Variants in MAP4 observed in about 807,000 individuals in gnomAD.
The protein encoded by MAP4 is microtubule associated protein 4, also known as microtubule-associated protein 4.
Under a neutral mutation model 170.2 loss-of-function variants are expected in MAP4, and 76 were observed. The observed-to-expected ratio is 0.45, with a 90% CI of 0.37 to 0.54. The LOEUF is 0.54. MAP4 is among the 20% of genes least tolerant of loss of function. The pLI, the probability that MAP4 is intolerant of heterozygous loss-of-function variation, is 0.00. For missense variants in MAP4, 2,506 were observed against 2,748.0 expected (o/e 0.91, Z 1.97); for synonymous variants, 909 against 994.5 (o/e 0.91, Z 1.62).
chr3:47,888,206 C>A (rs146412846), intron 10 of MAP4, among the ~76,000 whole-genome samples: 2 of 152,138 alleles, frequency 1.3e-5, no homozygotes, highest in African/African-American at 2.4e-5. Flanking sequence ...ACAGGCCACT[C>A]GGCTCTACCA....
chr3:48,087,087 G>C (rs376160847), intron 1 of MAP4, among the ~76,000 whole-genome samples: 115 of 152,310 alleles, frequency 7.6e-4, no homozygotes, highest in African/African-American at 2.7e-3. Context: ...AAAAGTGACA[G>C]CTTTATTATT....
intron 2 of MAP4, among the ~76,000 whole-genome samples, chr3:47,980,148 G>A (rs1158028805): frequency 6.6e-6 from 1 of 151,936 alleles, no homozygotes; most frequent in Non-Finnish European, 1.5e-5. Context: ...TTGTTTCTTT[G>A]CTTTTCCATA....
intron 3 of MAP4, among the ~76,000 whole-genome samples, chr3:47,953,682 A>G (rs1242950987): frequency 6.6e-6 from 1 of 152,134 alleles, no homozygotes; most frequent in African/African-American, 2.4e-5. Flanking sequence ...GTTGCAAAAA[A>G]AAGCTCGGAA....
In MAP4 at chr3:47,919,140, C is replaced by T. The variant is rs2100041346; in HGVS notation, c.530-299G>A. ...TAGAGGCGGGGTTTCACCATGTTAG[C>T]CCGGATAGTCTCGATCTCCTGACCT... On this transcript the variant is annotated intron_variant, in intron 5 of 20. Coordinates refer to ENST00000683076, the MANE Select transcript of MAP4 (RefSeq NM_001385682.1). Among the ~76,000 whole-genome samples, 3 of 151,768 alleles carry T rather than the reference C, an allele frequency of 2.0e-5. No homozygotes were observed. The South Asian group carries it at 6.2e-4, about 32-fold the overall frequency.
upstream of MAP4, among the ~76,000 whole-genome samples, chr3:48,016,903 A>T (rs2100108096): frequency 6.6e-6 from 1 of 151,908 alleles, no homozygotes; most frequent in Non-Finnish European, 1.5e-5. Context: ...CAGCCTCCTG[A>T]GTAGCTGCGA....
intron 3 of MAP4, among the ~76,000 whole-genome samples, chr3:47,936,889 A>G (rs1230255478): frequency 2.6e-5 from 4 of 151,612 alleles, no homozygotes; most frequent in African/African-American, 9.7e-5. Context: ...CTGAGGCAAG[A>G]GAACTGCTTG....
chr3:47,964,481 G>GT (rs1386670858), intron 3 of MAP4, among the ~76,000 whole-genome samples: 1 of 152,106 alleles, frequency 6.6e-6, no homozygotes, highest in African/African-American at 2.4e-5. Context: ...GAGGCAGGTG[G>GT]TTTTTTTCTT....
rs529260776 is a variant in MAP4, at chr3:48,037,452, G to A, written c.-19-38573C>T. ...TCTGTTACTCAGGCTGGCGTGCAGT[G>A]ACACAATCTTGGCTTACTGCAGCCT... On this transcript the variant is annotated intron_variant, in intron 1 of 18. Coordinates refer to the MAP4 transcript ENST00000360240. Among the ~76,000 whole-genome samples the A allele has an allele frequency of 2.2e-4, 34 of 152,206 alleles. No homozygotes were observed. The South Asian group carries it at 6.9e-3, about 31-fold the overall frequency.
chr3:47,901,770 T>C (rs1327651918), intron 10 of MAP4, among the ~76,000 whole-genome samples: 1 of 152,154 alleles, frequency 6.6e-6, no homozygotes, highest in East Asian at 1.9e-4. Flanking sequence ...TAAGTTTTTA[T>C]TTTAACAGTG....
At chr3:48,063,200 A>T (rs2100136779) in intron 1 of MAP4, among the ~76,000 whole-genome samples, 4 of 152,040 alleles carry the variant, frequency 2.6e-5, no homozygotes, top group African/African-American at 9.7e-5. Flanking sequence ...AGAATGGCCA[A>T]AATCCAAAGC....
intron 2 of MAP4, among the ~76,000 whole-genome samples, chr3:47,991,376 A>AGGCTTACAACAGTAAGCC: frequency 6.6e-6 from 1 of 152,200 alleles, no homozygotes; most frequent in Non-Finnish European, 1.5e-5. Context: ...GTAAGAACAT[A>AGGCTTACAACAGTAAGCC]TCGAGAGCAC....
At chr3:48,010,025 GAAGT>G (rs1387907912) in intron 1 of MAP4, among the ~76,000 whole-genome samples, 2 of 152,156 alleles carry the variant, frequency 1.3e-5, no homozygotes, top group African/African-American at 4.8e-5. Context: ...CTTCACAACG[GAAGT>G]AAGGAAGAGT....
intron 17 of MAP4, among the ~76,000 whole-genome samples, chr3:47,862,542 A>ATCTTGCCTCACTGCAACCTCTGCC (rs2069134889): frequency 6.6e-6 from 1 of 151,668 alleles, no homozygotes; most frequent in Non-Finnish European, 1.5e-5. Context: ...CAGTGGCGTG[A>ATCTTGCCTCACTGCAACCTCTGCC]TCTTGCCTCA....
At chr3:47,869,131 G>A in intron 16 of MAP4, 83 bp downstream of exon 16, 1 of 1,055,896 alleles carries the variant, frequency 9.5e-7, no homozygotes, top group South Asian at 1.3e-5. Context: ...AAGGGAAAAA[G>A]TGCAAGAGAG....
At chr3:47,951,640 G>C (rs1021723808) in intron 3 of MAP4, among the ~76,000 whole-genome samples, 7 of 152,124 alleles carry the variant, frequency 4.6e-5, no homozygotes, top group African/African-American at 1.4e-4. Flanking sequence ...ACGGAGTCTC[G>C]TTCACTCAGT....
At chr3:48,005,200 A>C (rs1389162482) in intron 1 of MAP4, among the ~76,000 whole-genome samples, 3 of 152,128 alleles carry the variant, frequency 2.0e-5, no homozygotes, top group Non-Finnish European at 2.9e-5. Context: ...TCTCTACTAA[A>C]AATACAAAAA....
chr3:47,951,632 G>A (rs1370730447), intron 3 of MAP4, among the ~76,000 whole-genome samples: 6 of 152,188 alleles, frequency 3.9e-5, no homozygotes, highest in South Asian at 4.1e-4. Flanking sequence ...GATTGCAGAC[G>A]GAGTCTCGTT....
intron 1 of MAP4, among the ~76,000 whole-genome samples, chr3:48,006,835 C>T (rs2100102614): frequency 6.6e-6 from 1 of 152,204 alleles, no homozygotes; most frequent in Admixed American, 6.5e-5. Context: ...GTGGTGACTC[C>T]AATTGCTGCT....
chr3:47,992,466 C>T (rs2100092918), intron 2 of MAP4, among the ~76,000 whole-genome samples: 1 of 151,992 alleles, frequency 6.6e-6, no homozygotes, highest in Non-Finnish European at 1.5e-5. Context: ...CTCTCTGTCA[C>T]CCAGGCTGCA....
Sources: gnomAD v4.1 joint callset for allele counts (sites outside exome capture counted in the v4.1 genomes callset) on GRCh38, gnomAD v4.1.1 for gene constraint, MANE v1.5 for transcripts, NCBI Gene and HGNC (gene_info 2026-07-23, HGNC 2026-07-21) for gene names.